The following RGS6 variants were observed in gnomAD, a reference collection of about 807,000 sequenced individuals.
RGS6 encodes the protein regulator of G protein signaling 6, also known as regulator of G-protein signaling 6.
Under a neutral mutation model 78.5 loss-of-function variants are expected in RGS6, and 30 were observed. That is an observed-to-expected ratio of 0.38 (90% CI 0.29 to 0.52). The LOEUF (loss-of-function observed/expected upper bound fraction) is 0.52. Ranked by LOEUF, RGS6 falls within the 20% of genes least tolerant of loss-of-function variation. The probability of loss-of-function intolerance (pLI) is 0.85; values close to 1 mark genes in which losing one functional copy is unlikely to be tolerated. For missense variants in RGS6, 495 were observed against 609.7 expected (o/e 0.81, Z 1.98); for synonymous variants, 206 against 206.0 (o/e 1.00, Z 0.00).
At chr14:71,967,892 C>T (rs2093613778) in intron 2 of RGS6, among the ~76,000 whole-genome samples, 1 of 152,162 alleles carries the variant, frequency 6.6e-6, no homozygotes, top group African/African-American at 2.4e-5. Flanking sequence ...AAAGCCCACA[C>T]TTTTCAGAAC....
the RGS6 span, among the ~76,000 whole-genome samples, chr14:71,868,524 T>C: frequency 6.6e-6 from 1 of 152,220 alleles, no homozygotes; most frequent in African/African-American, 2.4e-5. Context: ...CCATACTGTT[T>C]TACATCAATG....
At chr14:72,584,323 C>T in the RGS6 span, among the ~76,000 whole-genome samples, 1 of 152,166 alleles carries the variant, frequency 6.6e-6, no homozygotes, top group Admixed American at 6.5e-5. Context: ...ACAAGACCTC[C>T]CTTTTTACAG....
chr14:72,038,352 T>C (rs2092000553), intron 2 of RGS6, among the ~76,000 whole-genome samples: 1 of 152,216 alleles, frequency 6.6e-6, no homozygotes, highest in African/African-American at 2.4e-5. Flanking sequence ...CTCTGTTCTT[T>C]TTCAAAATTG....
chr14:72,101,319 T>C (rs945720295), intron 2 of RGS6, among the ~76,000 whole-genome samples: 3 of 152,170 alleles, frequency 2.0e-5, no homozygotes, highest in African/African-American at 7.2e-5. Flanking sequence ...CAATTTCATT[T>C]TTGAGTGTCT....
intron 15 of RGS6, among the ~76,000 whole-genome samples, chr14:72,535,388 A>T (rs1367638576): frequency 6.6e-6 from 1 of 152,138 alleles, no homozygotes; most frequent in Non-Finnish European, 1.5e-5. Flanking sequence ...CTGTTTTTTT[A>T]AATTAAACTT....
At chr14:72,465,285 T>C (rs2095872080) in intron 6 of RGS6, among the ~76,000 whole-genome samples, 1 of 152,084 alleles carries the variant, frequency 6.6e-6, no homozygotes, top group African/African-American at 2.4e-5. Flanking sequence ...ACTGGAGTAA[T>C]GTGGTCATGT....
intron 2 of RGS6, among the ~76,000 whole-genome samples, chr14:72,033,060 G>A (rs1413636345): frequency 6.6e-6 from 1 of 152,158 alleles, no homozygotes; most frequent in East Asian, 1.9e-4. Flanking sequence ...AACCAATTAA[G>A]CACAATAGCT....
intron 2 of RGS6, among the ~76,000 whole-genome samples, chr14:72,223,329 G>A: frequency 6.6e-6 from 1 of 152,176 alleles, no homozygotes; most frequent in South Asian, 2.1e-4. Flanking sequence ...AAAACCAAAT[G>A]GCGACGTAGC....
At chr14:72,132,789 T>TG (rs2096354874) in intron 2 of RGS6, among the ~76,000 whole-genome samples, 1 of 151,882 alleles carries the variant, frequency 6.6e-6, no homozygotes. Flanking sequence ...TCGTTTTTTT[T>TG]TTTTTTTCTC....
intron 2 of RGS6, among the ~76,000 whole-genome samples, chr14:72,050,462 G>A (rs2093161931): frequency 6.6e-6 from 1 of 152,204 alleles, no homozygotes; most frequent in African/African-American, 2.4e-5. Flanking sequence ...GTAAGGGGGG[G>A]ATTGAGGTGG....
chr14:72,387,975 A>G (rs1452020060), intron 3 of RGS6, among the ~76,000 whole-genome samples: 2 of 152,178 alleles, frequency 1.3e-5, no homozygotes, highest in Non-Finnish European at 2.9e-5. Flanking sequence ...TGGGGACACC[A>G]GTCATACTGG....
intron 2 of RGS6, among the ~76,000 whole-genome samples, chr14:72,243,146 G>C (rs529009191): frequency 6.6e-6 from 1 of 151,950 alleles, no homozygotes; most frequent in Non-Finnish European, 1.5e-5. Context: ...CACTGCACCC[G>C]GCCTTCCAAC....
At chr14:72,526,479 G>A (rs2097122925) in intron 15 of RGS6, among the ~76,000 whole-genome samples, 1 of 151,040 alleles carries the variant, frequency 6.6e-6, no homozygotes, top group Non-Finnish European at 1.5e-5. Context: ...TGTCTTTGAA[G>A]CTACACTTTT....
At chr14:72,385,516 G>C (rs2087679438) in intron 3 of RGS6, among the ~76,000 whole-genome samples, 1 of 152,198 alleles carries the variant, frequency 6.6e-6, no homozygotes, top group Non-Finnish European at 1.5e-5. Context: ...AGTAGGGAAT[G>C]GGGCTGGTGA....
At chr14:71,969,808 T>G (rs2093702105) in intron 2 of RGS6, among the ~76,000 whole-genome samples, 1 of 152,244 alleles carries the variant, frequency 6.6e-6, no homozygotes, top group African/African-American at 2.4e-5. Context: ...TCTAAAAATG[T>G]ACAAATACCT....
At chr14:72,532,499 C>T (rs960275935) in intron 15 of RGS6, among the ~76,000 whole-genome samples, 3 of 152,214 alleles carry the variant, frequency 2.0e-5, no homozygotes, top group Non-Finnish European at 4.4e-5. Flanking sequence ...TCGCATGTCT[C>T]TAACTTTAAA....
intron 14 of RGS6, 115 bp downstream of exon 14, chr14:72,510,394 C>T (rs2153447492): frequency 3.7e-6 from 5 of 1,338,428 alleles, no homozygotes; most frequent in East Asian, 2.3e-5. Context: ...AATTCAAATG[C>T]CAGCTAATCT....
the RGS6 span, chr14:72,594,180 G>A: frequency 6.6e-6 from 1 of 152,202 alleles, no homozygotes; most frequent in African/African-American, 2.4e-5. Context: ...AGCAGGTAAA[G>A]GGCTTCTCCA....
rs554058536 is a variant in RGS6 at position 72,173,335 on chromosome 14, C to T, written c.85-178760C>T. On this transcript the variant is annotated intron_variant, in intron 2 of 17. Transcript: ENST00000553525. ...TGGATAAACCTCTAGAACCACACTC[C>T]CCAGGGGTTCAGTAGACTTTCCCGA... 1.1e-4 allele frequency among the ~76,000 whole-genome samples: 17 copies of T among 152,214 alleles called. No homozygotes were observed. The East Asian group carries it at 3.3e-3, about 29-fold the overall frequency.
Sources: allele counts gnomAD v4.1 joint callset (sites outside exome capture counted in the v4.1 genomes callset), GRCh38; gene constraint gnomAD v4.1.1; transcripts MANE v1.5; gene names NCBI Gene and HGNC (gene_info 2026-07-23, HGNC 2026-07-21).